The following NREP variants were observed in gnomAD, a reference collection of about 807,000 sequenced individuals.
The protein encoded by NREP is neuronal regeneration related protein.
Under a neutral mutation model 8.6 loss-of-function variants are expected in NREP, and 5 were observed. The observed-to-expected ratio is 0.58, with a 90% CI of 0.30 to 1.22. The LOEUF (loss-of-function observed/expected upper bound fraction) is 1.22, where lower values mean the gene tolerates loss of function less well. NREP is among the 50% of genes most tolerant of loss of function. NREP has a pLI of 0.07. For missense variants in NREP, 86 were observed against 82.5 expected (o/e 1.04, Z -0.17); for synonymous variants, 27 against 28.0 (o/e 0.96, Z 0.11).
intron 2 of NREP, among the ~76,000 whole-genome samples, chr5:111,848,378 A>T (rs1753230041): frequency 6.6e-6 from 1 of 152,176 alleles, no homozygotes; most frequent in Non-Finnish European, 1.5e-5. Flanking sequence ...TTTCAATGCT[A>T]GCCATTTAGA....
chr5:111,940,898 A>G (rs955334309), intron 2 of NREP, among the ~76,000 whole-genome samples: 5 of 152,096 alleles, frequency 3.3e-5, no homozygotes, highest in African/African-American at 1.2e-4. Context: ...AATCAGCCAA[A>G]GGGAGAGGCA....
At chr5:111,774,182 G>A (rs534063134) in intron 2 of NREP, among the ~76,000 whole-genome samples, 3 of 151,474 alleles carry the variant, frequency 2.0e-5, no homozygotes, top group African/African-American at 7.3e-5. Flanking sequence ...AGATGAGAGA[G>A]GGAAAGGAAA....
intron 2 of NREP, among the ~76,000 whole-genome samples, chr5:111,764,194 G>A (rs1751028549): frequency 6.6e-6 from 1 of 152,164 alleles, no homozygotes; most frequent in African/African-American, 2.4e-5. Flanking sequence ...ATGCTTTCAG[G>A]TGCTCCATTT....
At chr5:111,909,125 C>T (rs1036651681) in intron 2 of NREP, among the ~76,000 whole-genome samples, 2 of 151,906 alleles carry the variant, frequency 1.3e-5, no homozygotes, top group African/African-American at 2.4e-5. Context: ...GGATATTAGA[C>T]CTTTCTCTGA....
intron 2 of NREP, among the ~76,000 whole-genome samples, chr5:111,827,558 T>G (rs1052496689): frequency 6.6e-6 from 1 of 152,190 alleles, no homozygotes; most frequent in East Asian, 1.9e-4. Flanking sequence ...GAATAAAACC[T>G]GTGTGCTCTA....
At chr5:111,846,419 G>GTTTTTTTTTTTTTTTTT (rs1753168991) in intron 2 of NREP, 1 of 37,744 alleles carries the variant, frequency 2.6e-5, no homozygotes, top group Non-Finnish European at 5.4e-5. Context: ...CTTTTTGTTT[G>GTTTTTTTTTTTTTTTTT]CTTTTTTTTT....
chr5:111,945,087 G>C (rs1581240099), intron 2 of NREP, among the ~76,000 whole-genome samples: 1 of 151,944 alleles, frequency 6.6e-6, no homozygotes. Flanking sequence ...TTGAAGGTTT[G>C]GACAACACCC....
chr5:111,948,052 A>G (rs1756040776), intron 2 of NREP, among the ~76,000 whole-genome samples: 1 of 152,034 alleles, frequency 6.6e-6, no homozygotes, highest in African/African-American at 2.4e-5. Context: ...GAATATCTGT[A>G]TTTGTTAGAA....
intron 2 of NREP, among the ~76,000 whole-genome samples, chr5:111,963,667 G>A (rs1756544348): frequency 6.6e-6 from 1 of 152,160 alleles, no homozygotes; most frequent in African/African-American, 2.4e-5. Context: ...CCAGTAGTTT[G>A]TGAGCTTGAA....
intron 2 of NREP, among the ~76,000 whole-genome samples, chr5:111,857,224 G>T (rs371364497): frequency 6.6e-6 from 1 of 152,180 alleles, no homozygotes; most frequent in African/African-American, 2.4e-5. Context: ...ACCCCACAGT[G>T]TGGGCCATAG....
At chr5:111,779,246 G>T (rs1008143980) in intron 2 of NREP, among the ~76,000 whole-genome samples, 5 of 152,120 alleles carry the variant, frequency 3.3e-5, no homozygotes, top group African/African-American at 9.7e-5. Context: ...AAAGCAAGGG[G>T]TGCATCCAGA....
chr5:111,950,099 C>G (rs532629890), intron 2 of NREP, among the ~76,000 whole-genome samples: 1 of 152,032 alleles, frequency 6.6e-6, no homozygotes, highest in South Asian at 2.1e-4. Context: ...TCTGTTGTTT[C>G]CTGACTTTTT....
intron 2 of NREP, among the ~76,000 whole-genome samples, chr5:111,803,106 G>C (rs1752051415): frequency 6.6e-6 from 1 of 152,260 alleles, no homozygotes; most frequent in East Asian, 1.9e-4. Context: ...GTTGGAGCAG[G>C]TCAGTGGAAA....
upstream of NREP, among the ~76,000 whole-genome samples, chr5:111,758,520 G>A (rs574903248): frequency 1.1e-4 from 16 of 152,230 alleles, no homozygotes; most frequent in African/African-American, 3.6e-4. Context: ...CAATAAAGCA[G>A]GATATCATTT....
At chr5:111,845,441 C>T (rs1490246431) in intron 2 of NREP, among the ~76,000 whole-genome samples, 6 of 152,102 alleles carry the variant, frequency 3.9e-5, no homozygotes, top group African/African-American at 9.7e-5. Context: ...TGATATCACT[C>T]TCTGAAGGCA....
chr5:111,738,477 A>G (rs566829493), intron 2 of NREP: 1 of 152,004 alleles, frequency 6.6e-6, no homozygotes, highest in Non-Finnish European at 1.5e-5. Flanking sequence ...GTTCTAGTCT[A>G]CTCGCCAGGT....
intron 2 of NREP, among the ~76,000 whole-genome samples, chr5:111,922,802 T>C (rs1329343005): frequency 1.3e-5 from 2 of 152,140 alleles, no homozygotes; most frequent in Admixed American, 6.6e-5. Flanking sequence ...GGAAAGTGAA[T>C]CTGCGAGAAA....
intron 2 of NREP, among the ~76,000 whole-genome samples, chr5:111,831,734 A>C (rs1752772628): frequency 6.6e-6 from 1 of 152,222 alleles, no homozygotes; most frequent in African/African-American, 2.4e-5. Flanking sequence ...TGTTTTAAAA[A>C]TTTGAGGTTC....
intron 2 of NREP, among the ~76,000 whole-genome samples, chr5:111,865,251 AT>A (rs1382129514): frequency 3.3e-5 from 5 of 152,060 alleles, no homozygotes; most frequent in African/African-American, 1.2e-4. Flanking sequence ...ATTTGCAAAA[AT>A]TTTTTCTAAA....
Sources: gnomAD v4.1 joint callset for allele counts (sites outside exome capture counted in the v4.1 genomes callset) on GRCh38, gnomAD v4.1.1 for gene constraint, MANE v1.5 for transcripts, NCBI Gene and HGNC (gene_info 2026-07-23, HGNC 2026-07-21) for gene names.